The following XXYLT1 variants were observed in gnomAD, a reference collection of about 807,000 sequenced individuals.
XXYLT1 encodes the protein UDP-xylose:alpha-xyloside alpha-1,3-xylosyltransferase.
In XXYLT1, 20 loss-of-function variants were observed where a neutral mutation model predicts 28.9. That is an observed-to-expected ratio of 0.69 (90% CI 0.49 to 1.00). The LOEUF (loss-of-function observed/expected upper bound fraction) is 1.00, where lower values mean the gene tolerates loss of function less well. XXYLT1 is among the 50% of genes least tolerant of loss of function. The pLI, the probability that XXYLT1 is intolerant of heterozygous loss-of-function variation, is 0.00. For missense variants in XXYLT1, 542 were observed against 560.1 expected (o/e 0.97, Z 0.33); for synonymous variants, 257 against 253.8 (o/e 1.01, Z -0.12).
At chr3:195,199,837 G>A (rs1447327961) in intron 2 of XXYLT1, among the ~76,000 whole-genome samples, 1 of 152,138 alleles carries the variant, frequency 6.6e-6, no homozygotes, top group African/African-American at 2.4e-5. Context: ...CTGAAAATGA[G>A]AGCATTAGAC....
rs1223942339 is a variant in XXYLT1, at chr3:195,150,939, G to A, written c.785+5510C>T. 1.3e-5 allele frequency among the ~76,000 whole-genome samples: 2 copies of A among 149,396 alleles called. No individual in the cohort carries two copies. Among genetic ancestry groups the A allele is most frequent in the East Asian group, 4.1e-4 (2 of 4,874 alleles). On this transcript the variant is annotated intron_variant, in intron 3 of 3. Transcript: ENST00000310380. The surrounding 1 kb of genome is among the most constrained non-coding windows in gnomAD (Gnocchi z 4.7). Reference sequence around the variant, plus strand: ...GTCAGCAGGAGCCCTGAAGCCTGAAGCCAAGCCATGACCAGGCCTCCTGGT... The same window carrying A: ...GTCAGCAGGAGCCCTGAAGCCTGAAACCAAGCCATGACCAGGCCTCCTGGT...
intron 3 of XXYLT1, among the ~76,000 whole-genome samples, chr3:195,126,013 T>G (rs2108621554): frequency 6.6e-6 from 1 of 152,290 alleles, no homozygotes; most frequent in African/African-American, 2.4e-5. Context: ...TGGAGGCATT[T>G]CTGCTATATA....
intron 1 of XXYLT1, among the ~76,000 whole-genome samples, chr3:195,238,676 G>A (rs1259759353): frequency 2.6e-5 from 4 of 152,180 alleles, no homozygotes; most frequent in African/African-American, 7.2e-5. Flanking sequence ...CATTGAGCCC[G>A]GGGGTTGCCA....
At chr3:195,082,071 CTGT>C (rs1715464968) in intron 3 of XXYLT1, among the ~76,000 whole-genome samples, 1 of 152,160 alleles carries the variant, frequency 6.6e-6, no homozygotes, top group African/African-American at 2.4e-5. Flanking sequence ...CATGGATTTG[CTGT>C]TGTTGTTACT....
intron 3 of XXYLT1, among the ~76,000 whole-genome samples, chr3:195,093,324 T>A (rs1170481224): frequency 7.3e-4 from 74 of 101,456 alleles, no homozygotes; most frequent in African/African-American, 3.2e-3. Flanking sequence ...ATGTGGCACA[T>A]ATACACCATG....
At chr3:195,157,877 T>C (rs1429975052) in intron 2 of XXYLT1, among the ~76,000 whole-genome samples, 1 of 152,178 alleles carries the variant, frequency 6.6e-6, no homozygotes, top group African/African-American at 2.4e-5. Context: ...GGGAAAGTTA[T>C]TTTACTTCTC....
At chr3:195,103,374 C>CGTCCATCACCCCACGCCAGCGGCCTGT (rs2108680005) in intron 3 of XXYLT1, among the ~76,000 whole-genome samples, 1 of 150,424 alleles carries the variant, frequency 6.6e-6, no homozygotes, top group African/African-American at 2.5e-5. Flanking sequence ...CAGCGGCCTG[C>CGTCCATCACCCCACGCCAGCGGCCTGT]GTCCATCACC....
At chr3:195,229,686 C>T (rs938836306) in intron 1 of XXYLT1, among the ~76,000 whole-genome samples, 21 of 152,214 alleles carry the variant, frequency 1.4e-4, no homozygotes, top group Admixed American at 8.5e-4. Flanking sequence ...AAACGATCTC[C>T]GGTTCCATCA....
chr3:195,083,390 C>T (rs959624236), intron 3 of XXYLT1, among the ~76,000 whole-genome samples: 5 of 152,172 alleles, frequency 3.3e-5, no homozygotes, highest in Non-Finnish European at 7.3e-5. Context: ...ATAAAACGAA[C>T]TTAATTCTTT....
chr3:195,162,560 T>C (rs186622585), intron 2 of XXYLT1, among the ~76,000 whole-genome samples: 2 of 152,328 alleles, frequency 1.3e-5, no homozygotes, highest in Admixed American at 6.5e-5. Context: ...CATGAAAAAC[T>C]GTGTTGGCTA....
In XXYLT1 at chr3:195,119,075, A is replaced by G. The variant is rs551226736; in HGVS notation, c.785+37374T>C. 1.2e-4 allele frequency among the ~76,000 whole-genome samples: 18 copies of G among 152,158 alleles called. No homozygotes were observed. In the East Asian group the frequency reaches 2.5e-3, roughly 21 times the overall value. On this transcript the variant is annotated intron_variant, in intron 3 of 3. Transcript: ENST00000310380. ...GGTGGATCACGAGGTCAGGAGTTTA[A>G]GACCAGCCTGGCCAGCATGGTGAAA...
chr3:195,114,300 G>A (rs1454802755), intron 3 of XXYLT1, among the ~76,000 whole-genome samples: 1 of 152,150 alleles, frequency 6.6e-6, no homozygotes, highest in African/African-American at 2.4e-5. Flanking sequence ...ACAAAGTACA[G>A]CCACACCATT....
At chr3:195,266,584 C>A (rs1577212791) in intron 1 of XXYLT1, among the ~76,000 whole-genome samples, 1 of 152,172 alleles carries the variant, frequency 6.6e-6, no homozygotes, top group Admixed American at 6.5e-5. Context: ...GCCAAAATAG[C>A]CTGGATGGAA....
In XXYLT1 at chr3:195,133,398, C is replaced by T. The variant is rs1009381920; in HGVS notation, c.785+23051G>A. Among the ~76,000 whole-genome samples the T allele has an allele frequency of 8.5e-5, 13 of 152,088 alleles. No homozygotes were observed. The highest frequency in any genetic ancestry group is 2.4e-4 in the African/African-American group (10 of 41,392). ...CTTTCTTCTCAAGTAAGAAGGAAAACACTGGAGAATTCAATAGGTGTCCAA... is the reference window on the plus strand; with the variant it reads ...CTTTCTTCTCAAGTAAGAAGGAAAATACTGGAGAATTCAATAGGTGTCCAA... On this transcript the variant is annotated intron_variant, in intron 3 of 3. Transcript: ENST00000310380. The surrounding 1 kb of genome is among the most constrained non-coding windows in gnomAD (Gnocchi z 4.4).
At chr3:195,126,033 T>C (rs934024649) in intron 3 of XXYLT1, among the ~76,000 whole-genome samples, 2 of 152,200 alleles carry the variant, frequency 1.3e-5, no homozygotes, top group Admixed American at 1.3e-4. Context: ...AGTCAGCAAA[T>C]GAAAAATGTC....
chr3:195,112,579 G>A (rs7650019), intron 3 of XXYLT1, among the ~76,000 whole-genome samples: 19 of 135,794 alleles, frequency 1.4e-4, no homozygotes, highest in Admixed American at 1.1e-3. Flanking sequence ...GCACACACAC[G>A]CACGCACACA....
At chr3:195,142,140 C>A (rs963250675) in intron 3 of XXYLT1, among the ~76,000 whole-genome samples, 5 of 152,186 alleles carry the variant, frequency 3.3e-5, no homozygotes, top group Middle Eastern at 3.2e-3. Flanking sequence ...CTCTTCCGAC[C>A]CTCCCTGCTC....
At position 195,143,792 on chromosome 3, in the gene XXYLT1, AT is replaced by A. The variant is rs1560116819; in HGVS notation, c.785+12656del. Reference sequence around the variant, plus strand: ...AACCAAATGTTCTCTCATTATATATATATATATAGATAGATATATATAGATA... The same window carrying A: ...AACCAAATGTTCTCTCATTATATATAATATATAGATAGATATATATAGATA... On this transcript the variant is annotated intron_variant, in intron 3 of 3. Coordinates refer to ENST00000310380, the MANE Select transcript of XXYLT1 (RefSeq NM_152531.5). Among the ~76,000 whole-genome samples, 415 of 116,238 alleles carry A rather than the reference AT, an allele frequency of 3.6e-3. 35 individuals are homozygous for A. The highest frequency in any genetic ancestry group is 0.013 in the African/African-American group (399 of 29,880). The allele number at this position is 116,238 out of a possible 152,430, so 76.3% of individuals were successfully genotyped here.
chr3:195,078,252 G>A lies in XXYLT1; in HGVS notation c.786-8141C>T, dbSNP rs1194069817. Among the ~76,000 whole-genome samples, 3 of 152,050 alleles carry A rather than the reference G, an allele frequency of 2.0e-5. No individual in the cohort carries two copies. Among genetic ancestry groups the A allele is most frequent in the Non-Finnish European group, 1.5e-5 (1 of 68,016 alleles). On this transcript the variant is annotated intron_variant, in intron 3 of 3. Coordinates refer to ENST00000310380, the MANE Select transcript of XXYLT1 (RefSeq NM_152531.5). This position sits in a 1 kb window ranked among gnomAD's most constrained non-coding sequence, Gnocchi z 5.0. ...GCAGAGAGCACCAAGCAGGTGGTAC[G>A]GAATTCTGGAGAGTTCTGACATTTA...
Sources: allele counts gnomAD v4.1 joint callset (sites outside exome capture counted in the v4.1 genomes callset), GRCh38; gene constraint gnomAD v4.1.1; non-coding constraint Gnocchi (gnomAD v3.1); transcripts MANE v1.5; gene names NCBI Gene and HGNC (gene_info 2026-07-23, HGNC 2026-07-21).